The following KSR2 variants were observed in gnomAD, a reference collection of about 807,000 sequenced individuals.
The protein encoded by KSR2 is kinase suppressor of ras 2.
A neutral mutation model predicts 107.8 loss-of-function variants in KSR2; 25 were observed. The observed-to-expected ratio is 0.23, with a 90% CI of 0.17 to 0.32. KSR2 has a LOEUF of 0.32. Among genes scored for constraint, KSR2 ranks in the 10% least tolerant of loss-of-function variants. The pLI is 1.00. For missense variants in KSR2, 887 were observed against 1,268.9 expected (o/e 0.70, Z 4.57); for synonymous variants, 480 against 507.0 (o/e 0.95, Z 0.71).
At chr12:117,489,251 G>A (rs1872625175) in intron 14 of KSR2, among the ~76,000 whole-genome samples, 1 of 152,078 alleles carries the variant, frequency 6.6e-6, no homozygotes, top group Non-Finnish European at 1.5e-5. Context: ...TGGTTACATG[G>A]ATACATACTT....
intron 5 of KSR2, among the ~76,000 whole-genome samples, chr12:117,641,682 T>A (rs1158085441): frequency 6.6e-6 from 1 of 152,196 alleles, no homozygotes; most frequent in Non-Finnish European, 1.5e-5. Context: ...TTCCAAGGTA[T>A]TGGGGGTTAG....
intron 3 of KSR2, among the ~76,000 whole-genome samples, chr12:117,773,585 C>T (rs1307205368): frequency 1.3e-5 from 2 of 152,126 alleles, no homozygotes; most frequent in African/African-American, 4.8e-5. Flanking sequence ...GAGAGTCTAC[C>T]ATTCCAGGAT....
At chr12:117,748,773 G>A (rs774324212) in intron 4 of KSR2, among the ~76,000 whole-genome samples, 15 of 152,176 alleles carry the variant, frequency 9.9e-5, no homozygotes, top group Non-Finnish European at 1.9e-4. Flanking sequence ...CTTTATCCCT[G>A]TCTTAATTTA....
chr12:117,867,190 C>T (rs767669409), intron 1 of KSR2, among the ~76,000 whole-genome samples: 25 of 152,092 alleles, frequency 1.6e-4, no homozygotes, highest in Non-Finnish European at 2.8e-4. Context: ...GTGTTGTGTG[C>T]CTGTGGTCCC....
chr12:117,454,959 G>C lies in KSR2; in HGVS notation c.*12240C>G, dbSNP rs1870524840. The C allele has an allele frequency of 6.6e-6, 1 of 151,662 alleles. No individual in the cohort carries two copies. Among genetic ancestry groups the C allele is most frequent in the Non-Finnish European group, 1.5e-5 (1 of 68,028 alleles). The allele number at this position is 151,662 out of a possible 1,614,324, so 9.4% of individuals were successfully genotyped here. A position where few individuals can be genotyped will look rare whatever the true frequency, so the allele number is the denominator to read the frequency against. On this transcript the variant is annotated 3_prime_UTR_variant, in exon 20 of 20. Coordinates refer to ENST00000339824, the MANE Select transcript of KSR2 (RefSeq NM_173598.6). ...CATGGACTTCAGGACCCAATGCAGG[G>C]CACTAAGAAATAGAGACACATCCTT...
At position 117,793,119 on chromosome 12, in the gene KSR2, A is replaced by C. The variant is rs111074168; in HGVS notation, c.473-31595T>G. On this transcript the variant is annotated intron_variant, in intron 3 of 19. Transcript: ENST00000339824. Reference sequence around the variant, plus strand: ...GCACACTCACACCAACGTGCACACAAACATGCACACACACACTAACATGCA... The same window carrying C: ...GCACACTCACACCAACGTGCACACACACATGCACACACACACTAACATGCA... Among the ~76,000 whole-genome samples the C allele has an allele frequency of 1.6e-3, 47 of 30,278 alleles. 1 individual carries two copies. The East Asian group carries it at 0.039, about 25-fold the overall frequency. The allele number at this position is 30,278 out of a possible 152,430, so 19.9% of individuals were successfully genotyped here.
In KSR2 at chr12:117,639,650, TTATTATTA is replaced by T. The variant is rs1330861921; in HGVS notation, c.1171+27816_1171+27823del. Among the ~76,000 whole-genome samples the T allele has an allele frequency of 2.8e-3, 385 of 139,126 alleles. 9 individuals carry two copies. The highest frequency in any genetic ancestry group is 0.025 in the Admixed American group (342 of 13,526). 91.3% of individuals were successfully genotyped at this position (139,126 alleles called of 152,430 possible). Reference sequence around the variant, plus strand: ...CAGCGTATTATTATTATTATTATTATTATTATTATATTATTTTAATATTTTACTGAAAG... The same window carrying T: ...CAGCGTATTATTATTATTATTATTATTATTATTTTAATATTTTACTGAAAG... On this transcript the variant is annotated intron_variant, in intron 5 of 19. Coordinates refer to ENST00000339824, the MANE Select transcript of KSR2 (RefSeq NM_173598.6).
At chr12:117,677,442 A>T (rs917852784) in intron 4 of KSR2, among the ~76,000 whole-genome samples, 4 of 152,172 alleles carry the variant, frequency 2.6e-5, no homozygotes, top group African/African-American at 7.2e-5. Flanking sequence ...CATCTGCAAG[A>T]CACAGAGAGA....
intron 1 of KSR2, among the ~76,000 whole-genome samples, chr12:117,904,971 C>T (rs2137406628): frequency 6.6e-6 from 1 of 152,280 alleles, no homozygotes; most frequent in South Asian, 2.1e-4. Flanking sequence ...CACCTGAGGT[C>T]AGGAGTTCGA....
At chr12:117,481,441 C>A (rs1356878048) in intron 16 of KSR2, among the ~76,000 whole-genome samples, 1 of 152,198 alleles carries the variant, frequency 6.6e-6, no homozygotes, top group Admixed American at 6.5e-5. Flanking sequence ...ACCTCTCTCT[C>A]TCTCTTTCGG....
At chr12:117,576,826 G>T (rs1425883504) in intron 7 of KSR2, among the ~76,000 whole-genome samples, 1 of 149,970 alleles carries the variant, frequency 6.7e-6, no homozygotes, top group East Asian at 2.0e-4. Context: ...TTATTTATTT[G>T]TGTGTGTGTG....
chr12:117,928,295 ACCTCAG>A (rs1443442878), intron 1 of KSR2, among the ~76,000 whole-genome samples: 3 of 148,482 alleles, frequency 2.0e-5, no homozygotes, highest in Non-Finnish European at 4.5e-5. Context: ...CAATCTTCCC[ACCTCAG>A]CCTCCCGAGT....
intron 19 of KSR2, 86 bp from the exon 20 acceptor site, chr12:117,467,291 G>C (rs766077852): frequency 5.0e-6 from 3 of 604,622 alleles, no homozygotes; most frequent in Non-Finnish European, 6.0e-6. Flanking sequence ...CCTCTCAGTG[G>C]GCCAGGTGGC....
intron 17 of KSR2, among the ~76,000 whole-genome samples, chr12:117,471,746 T>C (rs1003807559): frequency 1.3e-5 from 2 of 152,112 alleles, no homozygotes; most frequent in African/African-American, 4.8e-5. Context: ...TAAAATAAAA[T>C]GAAATGCTGT....
At chr12:117,684,317 T>C (rs1885483373) in intron 4 of KSR2, among the ~76,000 whole-genome samples, 1 of 152,240 alleles carries the variant, frequency 6.6e-6, no homozygotes, top group Admixed American at 6.5e-5. Context: ...GCAGGGGTTG[T>C]GTTTAACTTC....
chr12:117,764,199 T>C (rs1402957296), intron 3 of KSR2, among the ~76,000 whole-genome samples: 5 of 151,452 alleles, frequency 3.3e-5, no homozygotes, highest in African/African-American at 1.2e-4. Flanking sequence ...CCATCATCCC[T>C]ATCAATAGCT....
At chr12:117,540,054 T>C (rs1322735598) in intron 9 of KSR2, among the ~76,000 whole-genome samples, 167 bp from the exon 10 acceptor site, 1 of 152,034 alleles carries the variant, frequency 6.6e-6, no homozygotes, top group African/African-American at 2.4e-5. Context: ...ATCAGCCCCA[T>C]TGGGCTGCAT....
intron 3 of KSR2, among the ~76,000 whole-genome samples, chr12:117,834,603 G>A (rs1892122634): frequency 6.6e-6 from 1 of 152,182 alleles, no homozygotes; most frequent in African/African-American, 2.4e-5. Context: ...CAATGGAGGG[G>A]TTTATTCTCC....
chr12:117,857,419 A>G (rs1011915957), intron 2 of KSR2, among the ~76,000 whole-genome samples: 4 of 152,084 alleles, frequency 2.6e-5, no homozygotes, highest in Non-Finnish European at 4.4e-5. Flanking sequence ...ACATAAAAGG[A>G]TTCTCCTCTT....
Sources: allele counts gnomAD v4.1 joint callset (sites outside exome capture counted in the v4.1 genomes callset), GRCh38; gene constraint gnomAD v4.1.1; transcripts MANE v1.5; gene names NCBI Gene and HGNC (gene_info 2026-07-23, HGNC 2026-07-21).